The following ARL3 variants were observed in gnomAD, a reference collection of about 807,000 sequenced individuals.
ARL3 encodes ARF like GTPase 3, also known as ADP-ribosylation factor-like protein 3.
ARL3 carries 9 observed loss-of-function variants against 26.0 expected under a neutral mutation model. That is an observed-to-expected ratio of 0.35 (90% CI 0.21 to 0.60). The LOEUF (loss-of-function observed/expected upper bound fraction) is 0.60, where lower values mean the gene tolerates loss of function less well. Ranked by LOEUF, ARL3 falls within the 20% of genes least tolerant of loss-of-function variation. ARL3 has a pLI of 0.78. For missense variants in ARL3, 158 were observed against 215.7 expected (o/e 0.73, Z 1.67); for synonymous variants, 71 against 78.4 (o/e 0.91, Z 0.50).
At chr10:102,679,484 G>C (rs147990820) in intron 5 of ARL3, among the ~76,000 whole-genome samples, 12 of 152,346 alleles carry the variant, frequency 7.9e-5, no homozygotes, top group East Asian at 1.9e-4. Flanking sequence ...GGACAGAGCA[G>C]GGCAATGGCA....
intron 5 of ARL3, among the ~76,000 whole-genome samples, chr10:102,683,003 TG>T (rs2064164077): frequency 6.6e-6 from 1 of 152,218 alleles, no homozygotes. Flanking sequence ...CGATCTTTAT[TG>T]ATATTTTTCT....
In ARL3 at chr10:102,699,381, C is replaced by A; in HGVS notation, c.256G>T (p.Asp86Tyr). Residue 86 changes from aspartate (D) to tyrosine (Y), a missense_variant, in exon 3 of 6, where the codon GAT becomes TAT. Physicochemically the swap from Asp to Tyr is radical, Grantham distance 160. Transcript: ENST00000260746. Reference sequence around the variant, plus strand: ...TCAGAAGGAGTACTTACAAGAATATCGGTATTTTCAAAATAATTCTTCCAG... The same window carrying A: ...TCAGAAGGAGTACTTACAAGAATATAGGTATTTTCAAAATAATTCTTCCAG... ...PYWKNYFENT[D>Y]ILIYVIDSAD... 1.3e-6 allele frequency: 2 copies of A among 1,581,416 alleles called. No homozygotes were observed. Among genetic ancestry groups the A allele is most frequent in the Non-Finnish European group, 1.7e-6 (2 of 1,150,854 alleles).
intron 1 of ARL3, among the ~76,000 whole-genome samples, chr10:102,711,643 T>G (rs2801049): frequency 0.011 from 1,635 of 152,160 alleles, 13 homozygotes; most frequent in Middle Eastern, 0.024. Flanking sequence ...CATAGTCCCA[T>G]CTGCTGCGGA....
chr10:102,676,220 G>T lies in ARL3; in HGVS notation c.*674C>A. The T allele has an allele frequency of 6.6e-6, 1 of 152,044 alleles. No homozygotes were observed. Among genetic ancestry groups the T allele is most frequent in the South Asian group, 1.8e-4 (1 of 5,430 alleles). The allele number at this position is 152,044 out of a possible 1,614,324, so 9.4% of individuals were successfully genotyped here. ...GGCTGGGGCAGAGGCAGGGGTGGGTGGGATGGGGTATGTTTCTGTAGTGAC... is the reference window on the plus strand; with the variant it reads ...GGCTGGGGCAGAGGCAGGGGTGGGTTGGATGGGGTATGTTTCTGTAGTGAC... On this transcript the variant is annotated 3_prime_UTR_variant, in exon 6 of 6. Transcript: ENST00000260746.
intron 5 of ARL3, among the ~76,000 whole-genome samples, chr10:102,678,594 CG>C (rs1352172023): frequency 2.0e-5 from 3 of 152,212 alleles, no homozygotes; most frequent in Non-Finnish European, 4.4e-5. Flanking sequence ...CTCTCCTCTA[CG>C]GAGGCTCGCA....
At chr10:102,691,383 T>G (rs1180076936) in intron 3 of ARL3, among the ~76,000 whole-genome samples, 1 of 151,596 alleles carries the variant, frequency 6.6e-6, no homozygotes, top group Non-Finnish European at 1.5e-5. Context: ...TTTGGTTTTT[T>G]GTTCTTGCGA....
chr10:102,702,430 T>C (rs11191372), intron 2 of ARL3, among the ~76,000 whole-genome samples: 48,050 of 151,902 alleles, frequency 0.32, 7,996 homozygotes, highest in African/African-American at 0.36. Flanking sequence ...TTTTCTAATA[T>C]AAAACAAAAA....
At chr10:102,677,418 A>C (rs61869210) in intron 5 of ARL3, among the ~76,000 whole-genome samples, 34,970 of 152,110 alleles carry the variant, frequency 0.23, 4,886 homozygotes, top group South Asian at 0.35. Context: ...AACCTACTGC[A>C]GTGAGTGTTG....
intron 5 of ARL3, among the ~76,000 whole-genome samples, chr10:102,683,226 G>A (rs1041970387): frequency 6.6e-5 from 10 of 152,166 alleles, no homozygotes; most frequent in Admixed American, 5.9e-4. Context: ...AGTGAAAAGC[G>A]CTTCCACAGC....
In ARL3 at chr10:102,695,889, CCTTATCTTATCTCAT is replaced by C. The variant is rs756204967; in HGVS notation, c.264+3469_264+3483del. ...ATTAAAAGAATTTTATCTTACCTCA[CCTTATCTTATCTCAT>C]CTTATCTTAGAGAGAGTCTCACTCT... On this transcript the variant is annotated intron_variant, in intron 3 of 5. Coordinates refer to ENST00000260746, the MANE Select transcript of ARL3 (RefSeq NM_004311.4). Among the ~76,000 whole-genome samples, 158 of 151,290 alleles carry C rather than the reference CCTTATCTTATCTCAT, an allele frequency of 1.0e-3. 1 individual carries two copies. In the South Asian group the frequency reaches 0.014, roughly 13 times the overall value.
At position 102,683,196 on chromosome 10, in the gene ARL3, A is replaced by G. The variant is rs191187344; in HGVS notation, c.501+2620T>C. Among the ~76,000 whole-genome samples the G allele has an allele frequency of 4.2e-4, 64 of 152,350 alleles. No homozygotes were observed. In the East Asian group the frequency reaches 0.01, roughly 24 times the overall value. ...CAGAGGCACCACCTTAGGGAGGTACACGGTCAACCAGTGGCTCACAGTGAA... is the reference window on the plus strand; with the variant it reads ...CAGAGGCACCACCTTAGGGAGGTACGCGGTCAACCAGTGGCTCACAGTGAA... On this transcript the variant is annotated intron_variant, in intron 5 of 5. Transcript: ENST00000260746.
intron 3 of ARL3, among the ~76,000 whole-genome samples, chr10:102,698,608 C>A (rs1173738368): frequency 2.6e-5 from 4 of 152,104 alleles, no homozygotes; most frequent in Non-Finnish European, 5.9e-5. Context: ...GGTGAAGGAA[C>A]TGAGAGGCTG....
chr10:102,704,628 A>G (rs187880647), intron 2 of ARL3, among the ~76,000 whole-genome samples: 1 of 152,370 alleles, frequency 6.6e-6, no homozygotes, highest in East Asian at 1.9e-4. Context: ...TGACAAAGCA[A>G]GACTGTGTCT....
At chr10:102,709,370 T>G (rs2064326225) in intron 1 of ARL3, among the ~76,000 whole-genome samples, 1 of 150,752 alleles carries the variant, frequency 6.6e-6, no homozygotes, top group Admixed American at 6.6e-5. Flanking sequence ...CCAGGCACAG[T>G]GGTTCACACC....
chr10:102,706,526 A>G (rs973146158), intron 1 of ARL3, among the ~76,000 whole-genome samples: 5 of 152,214 alleles, frequency 3.3e-5, no homozygotes, highest in Non-Finnish European at 7.3e-5. Flanking sequence ...CATCTTTCAC[A>G]AGACCCTACA....
At chr10:102,688,488 T>C (rs950660001) in intron 4 of ARL3, among the ~76,000 whole-genome samples, 4 of 139,950 alleles carry the variant, frequency 2.9e-5, no homozygotes, top group African/African-American at 1.1e-4. Context: ...CAATGATAAC[T>C]TTTTAAAAAA....
intron 4 of ARL3, among the ~76,000 whole-genome samples, chr10:102,686,295 C>T (rs1281501309): frequency 6.6e-6 from 1 of 151,818 alleles, no homozygotes; most frequent in Non-Finnish European, 1.5e-5. Flanking sequence ...TGGTCTAGAA[C>T]TGCACACCTC....
intron 1 of ARL3, among the ~76,000 whole-genome samples, chr10:102,712,838 G>T (rs184067669): frequency 6.6e-6 from 1 of 152,148 alleles, no homozygotes; most frequent in East Asian, 1.9e-4. Flanking sequence ...TAAAAGGACA[G>T]CTCACGTATA....
intron 3 of ARL3, among the ~76,000 whole-genome samples, chr10:102,696,119 A>G (rs534602190): frequency 6.6e-6 from 1 of 151,534 alleles, no homozygotes; most frequent in South Asian, 2.1e-4. Context: ...GCCCGCCACC[A>G]TGCCCGGCTA....
Sources: gnomAD v4.1 joint callset for allele counts (sites outside exome capture counted in the v4.1 genomes callset) on GRCh38, gnomAD v4.1.1 for gene constraint, MANE v1.5 for transcripts, NCBI Gene and HGNC (gene_info 2026-07-23, HGNC 2026-07-21) for gene names.